DDX10: variants seen among roughly 807,000 people sequenced by gnomAD.
DDX10 encodes probable ATP-dependent RNA helicase DDX10.
Under a neutral mutation model 104.3 loss-of-function variants are expected in DDX10, and 74 were observed. That is an observed-to-expected ratio of 0.71 (90% CI 0.59 to 0.86). DDX10 has a LOEUF of 0.86. DDX10 is among the 40% of genes least tolerant of loss of function. DDX10 has a pLI of 0.00. For missense variants in DDX10, 952 were observed against 1,040.0 expected, an observed-to-expected ratio of 0.92 and a Z score of 1.16; for synonymous variants, 351 against 353.4, an observed-to-expected ratio of 0.99 and a Z score of 0.08.
intron 15 of DDX10, among the ~76,000 whole-genome samples, chr11:108,845,504 T>C (rs1227074197): frequency 6.6e-6 from 1 of 152,144 alleles, no homozygotes; most frequent in African/African-American, 2.4e-5. Flanking sequence ...GTTACTTCTA[T>C]GAAAGTATAT....
At position 108,744,697 on chromosome 11, in the gene DDX10, A is replaced by C. The variant is rs1424468396; in HGVS notation, c.1965+21235A>C. On this transcript the variant is annotated intron_variant, in intron 13 of 17. Coordinates refer to ENST00000322536, the MANE Select transcript of DDX10 (RefSeq NM_004398.4). ...AAAGTTAGACTTGTCAGCCTTCAAT[A>C]AACTTACATAGTGACACAGGACATT... Among the ~76,000 whole-genome samples, 4 of 152,316 alleles carry C rather than the reference A, an allele frequency of 2.6e-5. No individual in the cohort carries two copies. The East Asian group carries it at 7.7e-4, about 29-fold the overall frequency.
chr11:108,780,560 T>C (rs771281163), intron 13 of DDX10, among the ~76,000 whole-genome samples: 3 of 152,194 alleles, frequency 2.0e-5, no homozygotes, highest in Non-Finnish European at 2.9e-5. Context: ...GAGATCCTTA[T>C]CCAGTGCTAA....
chr11:108,791,613 A>C (rs148822906), intron 13 of DDX10, among the ~76,000 whole-genome samples: 12 of 152,226 alleles, frequency 7.9e-5, no homozygotes, highest in Non-Finnish European at 8.8e-5. Flanking sequence ...CTTCCAATTT[A>C]GTTCTGTCAC....
chr11:108,927,361 A>T (rs1163896582), intron 17 of DDX10, among the ~76,000 whole-genome samples: 1 of 152,224 alleles, frequency 6.6e-6, no homozygotes, highest in Non-Finnish European at 1.5e-5. Context: ...CACAGAAGTT[A>T]TGAGCTCTGA....
intron 13 of DDX10, among the ~76,000 whole-genome samples, chr11:108,833,088 C>G (rs983734290): frequency 1.3e-5 from 2 of 152,212 alleles, no homozygotes; most frequent in African/African-American, 2.4e-5. Context: ...AACTAAGACT[C>G]TCTTGTCAGC....
At chr11:108,794,760 G>A (rs1216405146) in intron 13 of DDX10, among the ~76,000 whole-genome samples, 3 of 151,624 alleles carry the variant, frequency 2.0e-5, no homozygotes, top group Non-Finnish European at 4.4e-5. Flanking sequence ...GGTTCACTTT[G>A]CAGATATTTT....
chr11:108,723,023 G>A lies in DDX10; in HGVS notation c.1526G>A (p.Arg509His), dbSNP rs368051511. The A allele has an allele frequency of 1.7e-5, 27 of 1,610,930 alleles. No individual in the cohort carries two copies. In the African/African-American group the frequency reaches 2.1e-4, roughly 13 times the overall value. The change falls in exon 13 of 18, where the codon CGC becomes CAC. Residue 509 changes from arginine to histidine, a missense_variant. Arg to His is a conservative substitution (Grantham distance 29). Around this residue, in one of 3 missense-constraint regions of DDX10, gnomAD observed 533 missense variants for 534.1 expected, o/e 1.00. Transcript: ENST00000322536. ...ALSLGLAVAP[R>H]VRFLQKMQKQ... The stretch of plus-strand genomic sequence containing the variant: ...TCTCTTGGTCTTGCTGTGGCACCAC[G>A]CGTAAGATTTCTTCAGAAAATGCAG...
At chr11:108,876,101 A>G (rs1479867760) in intron 16 of DDX10, among the ~76,000 whole-genome samples, 1 of 152,210 alleles carries the variant, frequency 6.6e-6, no homozygotes, top group Admixed American at 6.5e-5. Flanking sequence ...TCGAATCTTT[A>G]AAACATTACT....
At chr11:108,917,098 C>G (rs115278274) in intron 16 of DDX10, among the ~76,000 whole-genome samples, 3 of 151,486 alleles carry the variant, frequency 2.0e-5, no homozygotes, top group African/African-American at 7.3e-5. Flanking sequence ...TGGGATCTCA[C>G]TCCATCACCC....
intron 13 of DDX10, among the ~76,000 whole-genome samples, chr11:108,771,357 T>C (rs1375466974): frequency 6.6e-6 from 1 of 151,946 alleles, no homozygotes; most frequent in Non-Finnish European, 1.5e-5. Context: ...TTTTTCTTTT[T>C]TTTCTTTTTT....
At chr11:108,769,042 A>G (rs1341388469) in intron 13 of DDX10, among the ~76,000 whole-genome samples, 2 of 152,116 alleles carry the variant, frequency 1.3e-5, no homozygotes, top group East Asian at 1.9e-4. Context: ...GGCATGTGCT[A>G]TAGCTTGGAC....
chr11:108,800,169 C>T (rs776795885), intron 13 of DDX10, among the ~76,000 whole-genome samples: 18 of 151,402 alleles, frequency 1.2e-4, no homozygotes, highest in African/African-American at 1.9e-4. Flanking sequence ...CTTGACCGAG[C>T]GCGGTGGCTC....
intron 16 of DDX10, among the ~76,000 whole-genome samples, chr11:108,864,791 A>G (rs1280292880): frequency 6.6e-6 from 1 of 152,082 alleles, no homozygotes; most frequent in Non-Finnish European, 1.5e-5. Flanking sequence ...CTGAGGTGCT[A>G]GGCCTTTTCC....
At chr11:108,783,912 C>T (rs1251978158) in intron 13 of DDX10, among the ~76,000 whole-genome samples, 2 of 152,080 alleles carry the variant, frequency 1.3e-5, no homozygotes, top group Non-Finnish European at 2.9e-5. Flanking sequence ...TAAGAATATG[C>T]CACATTTTGT....
chr11:108,836,953 C>T (rs1055690875), intron 13 of DDX10, among the ~76,000 whole-genome samples: 12 of 152,148 alleles, frequency 7.9e-5, no homozygotes, highest in African/African-American at 2.9e-4. Context: ...CTAGATTGGT[C>T]CCTCCTCTCT....
chr11:108,783,250 A>G (rs763389155), intron 13 of DDX10, among the ~76,000 whole-genome samples: 1 of 152,202 alleles, frequency 6.6e-6, no homozygotes, highest in Non-Finnish European at 1.5e-5. Context: ...ATTTAGCTTT[A>G]ATGGAAGCTT....
At chr11:108,913,374 T>C (rs1223286518) in intron 16 of DDX10, among the ~76,000 whole-genome samples, 1 of 152,102 alleles carries the variant, frequency 6.6e-6, no homozygotes, top group African/African-American at 2.4e-5. Flanking sequence ...AATAGACAAT[T>C]CACATGTGAG....
intron 10 of DDX10, among the ~76,000 whole-genome samples, chr11:108,709,876 A>G (rs2094281782): frequency 6.6e-6 from 1 of 152,006 alleles, no homozygotes. Context: ...ATTTTTAGGT[A>G]CTTTCTTTCT....
intron 13 of DDX10, among the ~76,000 whole-genome samples, chr11:108,775,995 A>T (rs2094369386): frequency 6.6e-6 from 1 of 152,138 alleles, no homozygotes; most frequent in African/African-American, 2.4e-5. Flanking sequence ...TTCATTTTTG[A>T]TGCTGTGTTG....
Sources: gnomAD v4.1 joint callset for allele counts (sites outside exome capture counted in the v4.1 genomes callset) on GRCh38, gnomAD v4.1.1 for gene constraint, gnomAD v4.1.1 regional missense constraint, MANE v1.5 for transcripts, NCBI Gene and HGNC (gene_info 2026-07-23, HGNC 2026-07-21) for gene names.